NIN: variants seen among roughly 807,000 people sequenced by gnomAD.
NIN encodes the protein ninein, also known as glycogen synthase kinase 3 beta-interacting protein.
A neutral mutation model predicts 257.6 loss-of-function variants in NIN; 137 were observed. The ratio of observed to expected loss-of-function variants is 0.53; its 90% confidence interval spans 0.46 to 0.61. The LOEUF (loss-of-function observed/expected upper bound fraction) is 0.61, where lower values mean the gene tolerates loss of function less well. Among genes scored for constraint, NIN ranks in the 20% least tolerant of loss-of-function variants. The pLI is 0.00. For synonymous variants in NIN, 918 were observed against 919.8 expected, an observed-to-expected ratio of 1.00 and a Z score of 0.04; for missense variants, 2,439 against 2,501.2, an observed-to-expected ratio of 0.98 and a Z score of 0.53.
intron 29 of NIN, among the ~76,000 whole-genome samples, chr14:50,728,629 C>T (rs1227107794): frequency 6.6e-6 from 1 of 152,150 alleles, no homozygotes; most frequent in African/African-American, 2.4e-5. Context: ...CAAGCGCATG[C>T]AAACCAGAAA....
At chr14:50,829,681 A>G (rs1013211018) in intron 2 of NIN, among the ~76,000 whole-genome samples, 4 of 152,238 alleles carry the variant, frequency 2.6e-5, no homozygotes, top group Admixed American at 1.3e-4. Flanking sequence ...ATAATATCCA[A>G]GTTGTCTGGA....
At chr14:50,831,215 T>G (rs991907887), upstream of NIN, 5 of 151,244 alleles carry the variant, frequency 3.3e-5, no homozygotes, top group African/African-American at 1.2e-4. Flanking sequence ...GCGCGGCTCC[T>G]CCTCTGCGGC....
At position 50,754,624 on chromosome 14, in the gene NIN, G is replaced by A. The variant is rs776474311; in HGVS notation, c.4673C>T (p.Thr1558Met). ...NGSQEEMWQK[T>M]ETVKQENAAV... is the part of the protein sequence containing the mutation. Reference sequence around the variant, plus strand: ...AGCATTTTCTTGTTTTACAGTTTCCGTTTTTTGCCTAAAAGGAATGATGAA... The same window carrying A: ...AGCATTTTCTTGTTTTACAGTTTCCATTTTTTGCCTAAAAGGAATGATGAA... The change falls in exon 20 of 31, where the codon ACG (threonine) becomes ATG (methionine). Residue 1558 changes from threonine to methionine, a missense_variant. By Grantham distance (81) the Thr-to-Met change is moderately conservative. This residue lies in a region of NIN where 2,043 missense variants were observed against 2,050.2 expected (regional missense o/e 1.00). Coordinates refer to ENST00000530997, the MANE Select transcript of NIN (RefSeq NM_020921.4). The A allele has an allele frequency of 2.2e-5, 35 of 1,609,054 alleles. No individual in the cohort carries two copies. Among genetic ancestry groups the A allele is most frequent in the Middle Eastern group, 1.7e-4 (1 of 6,002 alleles).
chr14:50,726,223 G>A (rs1248776056), intron 29 of NIN, 157 bp from the exon 30 acceptor site: 3 of 602,608 alleles, frequency 5.0e-6, no homozygotes, highest in Non-Finnish European at 5.8e-6. Context: ...AGCCCTGCAT[G>A]GATTGCATAT....
intron 21 of NIN, among the ~76,000 whole-genome samples, chr14:50,748,866 G>A (rs4411414): frequency 0.44 from 67,379 of 151,928 alleles, 15,168 homozygotes; most frequent in East Asian, 0.56. Context: ...AATCAATATC[G>A]TGAAAATGGC....
intron 29 of NIN, 49 bp from the exon 30 acceptor site, chr14:50,726,115 C>T (rs1266651595): frequency 1.4e-6 from 2 of 1,433,654 alleles, no homozygotes; most frequent in Non-Finnish European, 1.9e-6. Context: ...ACACTGAAAA[C>T]ACTGGTTTAT....
At chr14:50,764,144 T>C (rs1303351651) in intron 14 of NIN, among the ~76,000 whole-genome samples, 180 bp from the exon 15 acceptor site, 1 of 152,226 alleles carries the variant, frequency 6.6e-6, no homozygotes, top group Admixed American at 6.5e-5. Context: ...GTAACTAGAA[T>C]ATATAAAGAC....
At chr14:50,723,932 CAA>C (rs1387212948) in intron 30 of NIN, 2 of 380,542 alleles carry the variant, frequency 5.3e-6, no homozygotes, top group African/African-American at 4.2e-5. Context: ...TAGATGGCAC[CAA>C]AAGTTTTTTT....
intron 4 of NIN, 158 bp downstream of exon 4, chr14:50,806,579 C>G: frequency 1.9e-6 from 1 of 517,876 alleles, no homozygotes; most frequent in Non-Finnish European, 3.4e-6. Context: ...AGCTGCAAAG[C>G]TTTTATGATA....
rs146168037 is a variant in NIN at position 50,808,388 on chromosome 14, G to A, written c.184-1570C>T. ...CACTCAGGCCACTTGACGGGCATCTGTGAATTTCTACAGAATCATTCATTC... is the reference window on the plus strand; with the variant it reads ...CACTCAGGCCACTTGACGGGCATCTATGAATTTCTACAGAATCATTCATTC... On this transcript the variant is annotated intron_variant, in intron 3 of 30. Coordinates refer to ENST00000530997, the MANE Select transcript of NIN (RefSeq NM_020921.4). 3.3e-5 allele frequency among the ~76,000 whole-genome samples: 5 copies of A among 152,318 alleles called. No homozygotes were observed. The East Asian group carries it at 9.6e-4, about 29-fold the overall frequency.
rs2041097387 is a variant in NIN at position 50,738,249 on chromosome 14, T to C, written c.5666A>G (p.Gln1889Arg). The C allele has an allele frequency of 6.2e-7, 1 of 1,614,050 alleles. No homozygotes were observed. The highest frequency in any genetic ancestry group is 1.3e-5 in the African/African-American group (1 of 75,048). Reference sequence around the variant, plus strand: ...GGTACCTGATGGGTTTAGATGTTTTTGGTGCTTGGGAAGAAGATTGGATTC... The same window carrying C: ...GGTACCTGATGGGTTTAGATGTTTTCGGTGCTTGGGAAGAAGATTGGATTC... ...QLESNLLPKH[Q>R]KHLNPSGTMN... is the part of the protein sequence containing the mutation. Residue 1889 changes from glutamine to arginine, a missense_variant, in exon 27 of 31, where the codon CAA (glutamine) becomes CGA (arginine). This residue lies in a region of NIN where 2,043 missense variants were observed against 2,050.2 expected (regional missense o/e 1.00). Coordinates refer to ENST00000530997, the MANE Select transcript of NIN (RefSeq NM_020921.4).
chr14:50,735,499 T>C lies in NIN; in HGVS notation c.5877+17A>G. On this transcript the variant is annotated intron_variant, in intron 28 of 30. Coordinates refer to ENST00000530997, the MANE Select transcript of NIN (RefSeq NM_020921.4). ...AACATATTCTTCATAGCTAAGGCCA[T>C]CTGCTGAGAAACTTACCTCCATGAG... 6.2e-7 allele frequency: 1 copy of C among 1,611,924 alleles called. No individual in the cohort carries two copies. Among genetic ancestry groups the C allele is most frequent in the Non-Finnish European group, 8.5e-7 (1 of 1,179,680 alleles).
chr14:50,812,341 C>G (rs2044670648), intron 3 of NIN, among the ~76,000 whole-genome samples: 1 of 152,182 alleles, frequency 6.6e-6, no homozygotes, highest in African/African-American at 2.4e-5. Flanking sequence ...AGCAAGCCTG[C>G]CTGGCTCAGG....
chr14:50,730,020 T>C (rs1200598282), intron 28 of NIN, among the ~76,000 whole-genome samples: 2 of 151,564 alleles, frequency 1.3e-5, no homozygotes, highest in African/African-American at 4.9e-5. Flanking sequence ...GTGAATTCTA[T>C]TTCATTTTTT....
At chr14:50,728,669 CTTT>C (rs1237157273) in intron 29 of NIN, among the ~76,000 whole-genome samples, 1 of 152,160 alleles carries the variant, frequency 6.6e-6, no homozygotes, top group African/African-American at 2.4e-5. Context: ...CAAAGAAGGA[CTTT>C]TTATTTTATT....
chr14:50,729,188 C>T (rs139588655), intron 29 of NIN, among the ~76,000 whole-genome samples: 2,727 of 151,956 alleles, frequency 0.018, 36 homozygotes, highest in Middle Eastern at 0.034. Context: ...AAAGTAGCAC[C>T]GCAGTTCTAT....
chr14:50,828,160 C>G (rs573888386), intron 2 of NIN, among the ~76,000 whole-genome samples: 1 of 151,180 alleles, frequency 6.6e-6, no homozygotes, highest in South Asian at 2.1e-4. Flanking sequence ...GCCATATTGA[C>G]TCACATTAAT....
rs1465533860 is a variant in NIN, at chr14:50,761,815, C to A, written c.1871G>T (p.Cys624Phe). 1 of 1,614,064 alleles carries A rather than the reference C, an allele frequency of 6.2e-7. No homozygotes were observed. Among genetic ancestry groups the A allele is most frequent in the Non-Finnish European group, 8.5e-7 (1 of 1,180,030 alleles). Residue 624 changes from cysteine (C) to phenylalanine (F), a missense_variant, in exon 16 of 31, where the codon TGC becomes TTC. Cys to Phe is a radical substitution (Grantham distance 205, BLOSUM62 -2). This residue lies in a region of NIN where 2,043 missense variants were observed against 2,050.2 expected (regional missense o/e 1.00). Coordinates refer to ENST00000530997, the MANE Select transcript of NIN (RefSeq NM_020921.4). ...MKEQHHRDIC[C>F]LRLELEDKVR... ...TTTATCTTCGAGCTCCAGTCTGAGG[C>A]AACATATGTCCCTGTGATGTTGTTC...
At chr14:50,800,007 T>TAC (rs71118902) in intron 4 of NIN, among the ~76,000 whole-genome samples, 5,097 of 148,120 alleles carry the variant, frequency 0.034, 99 homozygotes, top group Non-Finnish European at 0.037. Flanking sequence ...TATATACACA[T>TAC]ACACACACAC....
Sources: gnomAD v4.1 joint callset for allele counts (sites outside exome capture counted in the v4.1 genomes callset) on GRCh38, gnomAD v4.1.1 for gene constraint, gnomAD v4.1.1 regional missense constraint, MANE v1.5 for transcripts, NCBI Gene and HGNC (gene_info 2026-07-23, HGNC 2026-07-21) for gene names.